SDCCAG8: variants seen among roughly 807,000 people sequenced by gnomAD.
SDCCAG8 encodes SHH signaling and ciliogenesis regulator SDCCAG8, also known as serologically defined colon cancer antigen 8.
SDCCAG8 carries 74 observed loss-of-function variants against 101.8 expected under a neutral mutation model. The ratio of observed to expected loss-of-function variants is 0.73; its 90% CI spans 0.60 to 0.88. The LOEUF is 0.88. Among genes scored for constraint, SDCCAG8 ranks in the 40% least tolerant of loss-of-function variants. The pLI is 0.00. For synonymous variants in SDCCAG8, 281 were observed against 292.9 expected (o/e 0.96, Z 0.41); for missense variants, 787 against 822.6 (o/e 0.96, Z 0.53).
chr1:243,331,844 A>ATG (rs2149350906), intron 10 of SDCCAG8, among the ~76,000 whole-genome samples: 1 of 151,870 alleles, frequency 6.6e-6, no homozygotes, highest in South Asian at 2.1e-4. Context: ...CACAGGAACG[A>ATG]TGCAGTTTCC....
rs536860323 is a variant in SDCCAG8, at chr1:243,387,843, G to A, written c.1616+8980G>A. 7.2e-5 allele frequency among the ~76,000 whole-genome samples: 11 copies of A among 152,108 alleles called. 1 individual carries two copies. In the South Asian group the frequency reaches 2.3e-3, roughly 32 times the overall value. On this transcript the variant is annotated intron_variant, in intron 13 of 17. Transcript: ENST00000366541. ...CAATTCTCGTGTCTCACCCTCCCAA[G>A]TAGCTGGGATTACAGGTAGGCACCA...
chr1:243,263,106 AGGCGGC>A (rs1453249250), intron 1 of SDCCAG8, among the ~76,000 whole-genome samples: 3 of 152,194 alleles, frequency 2.0e-5, no homozygotes, highest in Admixed American at 6.5e-5. Flanking sequence ...TTCCATCAAG[AGGCGGC>A]AACACTTACA....
intron 8 of SDCCAG8, among the ~76,000 whole-genome samples, chr1:243,314,688 CATACTT>C (rs1448981467): frequency 6.6e-6 from 1 of 152,164 alleles, no homozygotes; most frequent in African/African-American, 2.4e-5. Context: ...TGTCTGTTTG[CATACTT>C]ATAAACACTG....
At chr1:243,348,139 C>T (rs2147804936) in intron 12 of SDCCAG8, among the ~76,000 whole-genome samples, 1 of 150,194 alleles carries the variant, frequency 6.7e-6, no homozygotes, top group African/African-American at 2.4e-5. Flanking sequence ...GGGTTCATGC[C>T]ATTCTCCCGC....
At chr1:243,271,214 T>G (rs993054781) in intron 3 of SDCCAG8, 151 bp downstream of exon 3, 2 of 647,112 alleles carry the variant, frequency 3.1e-6, no homozygotes, top group African/African-American at 3.7e-5. Flanking sequence ...TTATTTTGGC[T>G]GAAAAAATAG....
At chr1:243,426,593 T>C (rs769492207) in intron 16 of SDCCAG8, 35 bp downstream of exon 16, 1 of 1,613,594 alleles carries the variant, frequency 6.2e-7, no homozygotes, top group Middle Eastern at 1.7e-4. Flanking sequence ...ATGTGCCGCA[T>C]ATTGAATGTG....
At chr1:243,499,126 T>TGAACTTGTGATTCTCCCC (rs1668840049) in intron 17 of SDCCAG8, among the ~76,000 whole-genome samples, 1 of 152,242 alleles carries the variant, frequency 6.6e-6, no homozygotes, top group Non-Finnish European at 1.5e-5. Flanking sequence ...CAATACTTTC[T>TGAACTTGTGATTCTCCCC]GAACTTGTGA....
chr1:243,494,220 GT>G (rs1023233005), intron 17 of SDCCAG8, among the ~76,000 whole-genome samples: 1 of 152,090 alleles, frequency 6.6e-6, no homozygotes, highest in Non-Finnish European at 1.5e-5. Context: ...CCAAATTGTT[GT>G]TTTTTTGTTT....
At chr1:243,480,076 A>G (rs1208309625) in intron 16 of SDCCAG8, among the ~76,000 whole-genome samples, 1 of 151,450 alleles carries the variant, frequency 6.6e-6, no homozygotes, top group East Asian at 2.0e-4. Context: ...CAAGTTCAGC[A>G]CTCATAGGAT....
At chr1:243,411,749 C>G (rs1008532709) in intron 13 of SDCCAG8, among the ~76,000 whole-genome samples, 15 of 152,116 alleles carry the variant, frequency 9.9e-5, no homozygotes, top group African/African-American at 3.6e-4. Flanking sequence ...CAGCCAAGTG[C>G]TGTATGTGGC....
Position 243,268,146 on chromosome 1 carries a change from G to A in SDCCAG8, c.68-1959G>A, listed in dbSNP as rs550977601. ...GTCACACCACACTCCTGTTTCTTCC[G>A]TAATCACCAACGGTGCAATGCTTTT... is the stretch of plus-strand genomic sequence containing the variant. On this transcript the variant is annotated intron_variant, in intron 1 of 17. Transcript: ENST00000366541. The A allele has an allele frequency of 6.0e-4, 381 of 633,998 alleles. 1 individual carries two copies. The highest frequency in any genetic ancestry group is 9.5e-4 in the Non-Finnish European group (337 of 354,022). 39.3% of individuals were successfully genotyped at this position (633,998 alleles called of 1,614,324 possible). A position where few individuals can be genotyped will look rare whatever the true frequency, so the allele number is the denominator to read the frequency against.
chr1:243,451,248 T>C (rs943934378), intron 16 of SDCCAG8, among the ~76,000 whole-genome samples: 1 of 152,218 alleles, frequency 6.6e-6, no homozygotes, highest in Non-Finnish European at 1.5e-5. Flanking sequence ...CCTAAAGATT[T>C]CATAGGCACA....
At chr1:243,449,118 A>G (rs2083161662) in intron 16 of SDCCAG8, among the ~76,000 whole-genome samples, 1 of 152,242 alleles carries the variant, frequency 6.6e-6, no homozygotes, top group Non-Finnish European at 1.5e-5. Flanking sequence ...TAATCACACT[A>G]TTAAATATGC....
chr1:243,337,983 T>G (rs1209779939), intron 10 of SDCCAG8, among the ~76,000 whole-genome samples: 1 of 152,112 alleles, frequency 6.6e-6, no homozygotes, highest in African/African-American at 2.4e-5. Context: ...TGCAGTGGTG[T>G]GATCATAGCT....
At chr1:243,328,427 C>T (rs927471389) in intron 9 of SDCCAG8, among the ~76,000 whole-genome samples, 8 of 152,162 alleles carry the variant, frequency 5.3e-5, no homozygotes, top group Admixed American at 5.2e-4. Context: ...TACAGGCACG[C>T]ACCACCTGGC....
At position 243,256,067 on chromosome 1, in the gene SDCCAG8, G is replaced by A; in HGVS notation, c.-107G>A. 2.9e-6 allele frequency: 3 copies of A among 1,025,124 alleles called. No homozygotes were observed. Among genetic ancestry groups the A allele is most frequent in the South Asian group, 1.3e-5 (1 of 79,284 alleles). The allele number at this position is 1,025,124 out of a possible 1,614,324, so 63.5% of individuals were successfully genotyped here. ...TTCTAGGCTCCCCTGTGACAGCCGCGGCAGGAAGCAGGCGGGCGCTCCCCG... is the reference window on the plus strand; with the variant it reads ...TTCTAGGCTCCCCTGTGACAGCCGCAGCAGGAAGCAGGCGGGCGCTCCCCG... On this transcript the variant is annotated 5_prime_UTR_variant, in exon 1 of 18. Transcript: ENST00000366541.
chr1:243,303,946 G>A (rs2071814831), intron 6 of SDCCAG8, among the ~76,000 whole-genome samples: 1 of 152,118 alleles, frequency 6.6e-6, no homozygotes, highest in Admixed American at 6.6e-5. Context: ...GGTGGCACAT[G>A]CCTGTAATCC....
chr1:243,478,986 C>T (rs929214454), intron 16 of SDCCAG8, among the ~76,000 whole-genome samples: 7 of 138,346 alleles, frequency 5.1e-5, no homozygotes, highest in Admixed American at 1.4e-4. Flanking sequence ...AAGAAAGTGC[C>T]TTAATGTTCT....
intron 16 of SDCCAG8, among the ~76,000 whole-genome samples, chr1:243,469,830 GTTTTTTTT>G (rs746906257): frequency 8.1e-6 from 1 of 123,530 alleles, no homozygotes; most frequent in African/African-American, 3.2e-5. Context: ...GAAAGTGTTG[GTTTTTTTT>G]TTTTTTTTTT....
Sources: gnomAD v4.1 joint callset for allele counts (sites outside exome capture counted in the v4.1 genomes callset) on GRCh38, gnomAD v4.1.1 for gene constraint, MANE v1.5 for transcripts, NCBI Gene and HGNC (gene_info 2026-07-23, HGNC 2026-07-21) for gene names.